Variants in SPPL2B observed in about 807,000 individuals in gnomAD.
SPPL2B encodes signal peptide peptidase-like 2B.
A neutral mutation model predicts 59.7 loss-of-function variants in SPPL2B; 39 were observed. The observed-to-expected ratio is 0.65, with a 90% CI of 0.51 to 0.85. The LOEUF is 0.85. SPPL2B is among the 40% of genes least tolerant of loss of function. The pLI, the probability that SPPL2B is intolerant of heterozygous loss-of-function variation, is 0.00. For synonymous variants in SPPL2B, 419 were observed against 370.8 expected (o/e 1.13, Z -1.49); for missense variants, 865 against 849.0 (o/e 1.02, Z -0.23).
intron 3 of SPPL2B, chr19:2,338,013 T>G: frequency 7.1e-6 from 1 of 140,474 alleles, no homozygotes; most frequent in East Asian, 2.0e-4. Flanking sequence ...CCTTGCCCTC[T>G]AGCCGGTGGG....
intron 13 of SPPL2B, among the ~76,000 whole-genome samples, chr19:2,348,120 T>C (rs1969580024): frequency 1.1e-5 from 1 of 91,096 alleles, no homozygotes; most frequent in Non-Finnish European, 2.1e-5. Flanking sequence ...CCGTTCTCTC[T>C]CCACACACAC....
chr19:2,340,046 GC>G (rs758707222), intron 6 of SPPL2B, 29 bp from the exon 7 acceptor site: 1 of 1,574,076 alleles, frequency 6.4e-7, no homozygotes, highest in South Asian at 1.2e-5. Context: ...TGCGGGCCTG[GC>G]CCCCGGCCTC....
chr19:2,352,872 G>C, intron 14 of SPPL2B, 74 bp from the exon 15 acceptor site: 1 of 1,541,298 alleles, frequency 6.5e-7, no homozygotes. Flanking sequence ...GCGGGTGCTG[G>C]GTGTCCTGGC....
intron 9 of SPPL2B, 149 bp from the exon 10 acceptor site, chr19:2,343,816 C>T (rs941089483): frequency 6.4e-6 from 4 of 627,600 alleles, no homozygotes; most frequent in African/African-American, 1.8e-5. Context: ...TCCAAAGCTC[C>T]TCCTGCGTGG....
Position 2,351,585 on chromosome 19 carries a change from C to A in SPPL2B, c.1506C>A (p.Ser502Arg), listed in dbSNP as rs559931720. The change falls in exon 14 of 15, where the codon AGC becomes AGA. Residue 502 changes from serine to arginine, a missense_variant. Physicochemically the swap from Ser to Arg is moderately radical, Grantham distance 110. Coordinates refer to ENST00000613503, the MANE Select transcript of SPPL2B (RefSeq NM_152988.3). ...RRELGVFWTG[S>R]GFAKVLPPSP... Reference sequence around the variant, plus strand: ...AGCTGGGCGTGTTCTGGACGGGCAGCGGCTTTGCGGTGAATACCAGTTTGC... The same window carrying A: ...AGCTGGGCGTGTTCTGGACGGGCAGAGGCTTTGCGGTGAATACCAGTTTGC... 1.4e-5 allele frequency: 23 copies of A among 1,608,928 alleles called. No homozygotes were observed. The highest frequency in any genetic ancestry group is 1.7e-5 in the Non-Finnish European group (20 of 1,177,662).
intron 14 of SPPL2B, 170 bp downstream of exon 14, chr19:2,351,764 C>T (rs1969937635): frequency 1.4e-5 from 9 of 665,790 alleles, no homozygotes; most frequent in East Asian, 1.3e-4. Context: ...GGTGGAAGGA[C>T]GTGCGTGCAG....
intron 6 of SPPL2B, 37 bp from the exon 7 acceptor site, chr19:2,340,038 CG>C (rs1968930264): frequency 6.4e-7 from 1 of 1,566,388 alleles, no homozygotes; most frequent in Admixed American, 1.9e-5. Context: ...GGGTGGCGTG[CG>C]GGCCTGGCCC....
rs868433818 is a variant in SPPL2B, at chr19:2,351,858, G to A, written c.1515+264G>A. ...CGCGGGGGTGCCGGGTGGGGCCCAGGGGTGCCGGGTGGGACGCGGGGGTGC... is the reference window on the plus strand; with the variant it reads ...CGCGGGGGTGCCGGGTGGGGCCCAGAGGTGCCGGGTGGGACGCGGGGGTGC... On this transcript the variant is annotated intron_variant, in intron 14 of 14. Transcript: ENST00000613503. Among the ~76,000 whole-genome samples, 13 of 151,674 alleles carry A rather than the reference G, an allele frequency of 8.6e-5. No individual in the cohort carries two copies. The South Asian group carries it at 2.7e-3, about 32-fold the overall frequency.
chr19:2,352,226 C>T (rs1218883355), intron 14 of SPPL2B, among the ~76,000 whole-genome samples: 1 of 152,158 alleles, frequency 6.6e-6, no homozygotes, highest in African/African-American at 2.4e-5. Flanking sequence ...TCCTGGGTTC[C>T]CGGGACTCAG....
chr19:2,338,631 C>T (rs915390425), intron 3 of SPPL2B, 121 bp from the exon 4 acceptor site: 2 of 614,184 alleles, frequency 3.3e-6, no homozygotes, highest in Non-Finnish European at 5.7e-6. Context: ...AGCCAGCAGG[C>T]GCCCCCAGCC....
chr19:2,344,569 A>G lies in SPPL2B; in HGVS notation c.1193A>G (p.Lys398Arg), dbSNP rs1413080801. The change falls in exon 12 of 15, where the codon AAG becomes AGG. Residue 398 changes from lysine (K) to arginine (R), a missense_variant. Lys to Arg is a conservative substitution (Grantham distance 26, BLOSUM62 2). Transcript: ENST00000613503. Reference protein sequence around the residue: ...ATREKLPMVLKVPRLNSSPLA... With the variant: ...ATREKLPMVLRVPRLNSSPLA... ...TCTTTGCAGCTGCCCATGGTCCTGA[A>G]GGTGCCCAGGCTGAACTCCTCACCT... 6.2e-7 allele frequency: 1 copy of G among 1,612,882 alleles called. No individual in the cohort carries two copies. Among genetic ancestry groups the G allele is most frequent in the East Asian group, 2.2e-5 (1 of 44,810 alleles).
rs887210712 is a variant in SPPL2B at position 2,353,716 on chromosome 19, C to T, written c.*507C>T. ...AGCCCCTGGGAGGTTTGGAAGCTGC[C>T]TCCAAGCCTAGGACACGGACCAGTG... On this transcript the variant is annotated 3_prime_UTR_variant, in exon 15 of 15. Transcript: ENST00000613503. 7 of 155,600 alleles carry T rather than the reference C, an allele frequency of 4.5e-5. No individual in the cohort carries two copies. In the South Asian group the frequency reaches 1.4e-3, roughly 31 times the overall value. 9.6% of individuals were successfully genotyped at this position (155,600 alleles called of 1,614,324 possible). A position where few individuals can be genotyped will look rare whatever the true frequency, so the allele number is the denominator to read the frequency against.
intron 2 of SPPL2B, among the ~76,000 whole-genome samples, chr19:2,335,683 A>C (rs1487131915): frequency 2.0e-4 from 25 of 126,766 alleles, no homozygotes; most frequent in African/African-American, 6.1e-4. Flanking sequence ...CTCCTTTCCC[A>C]CCGTATCCCT....
At chr19:2,336,508 G>T (rs1968622391) in intron 2 of SPPL2B, among the ~76,000 whole-genome samples, 1 of 151,968 alleles carries the variant, frequency 6.6e-6, no homozygotes, top group Non-Finnish European at 1.5e-5. Flanking sequence ...ATAGGTATGT[G>T]CGTGTGAGTG....
chr19:2,345,178 C>G (rs1969294572), intron 12 of SPPL2B, 75 bp from the exon 13 acceptor site: 1 of 1,322,516 alleles, frequency 7.6e-7, no homozygotes, highest in Non-Finnish European at 1.1e-6. Context: ...TGCTCAGGTG[C>G]CCGCCCGCTC....
At chr19:2,351,647 CTA>C in intron 14 of SPPL2B, 53 bp downstream of exon 14, 2 of 1,564,296 alleles carry the variant, frequency 1.3e-6, no homozygotes, top group South Asian at 1.2e-5. Flanking sequence ...TGAGCCCTAA[CTA>C]GAGTTAAAGT....
rs1968357743 is a variant in SPPL2B, at chr19:2,332,909, A to T, written c.67-1693A>T. Among the ~76,000 whole-genome samples, 1 of 148,262 alleles carries T rather than the reference A, an allele frequency of 6.7e-6. No individual in the cohort carries two copies. The highest frequency in any genetic ancestry group is 1.5e-5 in the Non-Finnish European group (1 of 67,316). On this transcript the variant is annotated intron_variant, in intron 1 of 14. Transcript: ENST00000613503. The surrounding 1 kb of genome is among the most constrained non-coding windows in gnomAD (Gnocchi z 4.6). ...GCTGGGTGGGGGCCCTGGGCAGGGG[A>T]GCAGAAGGAAGGTGGGGATGGCAGG...
chr19:2,344,789 G>C, intron 12 of SPPL2B, 137 bp downstream of exon 12: 1 of 670,186 alleles, frequency 1.5e-6, no homozygotes, highest in Non-Finnish European at 2.7e-6. Flanking sequence ...GGGCAGGTTG[G>C]GGCCGTTGAG....
At chr19:2,352,239 G>A (rs911131821) in intron 14 of SPPL2B, among the ~76,000 whole-genome samples, 1 of 152,124 alleles carries the variant, frequency 6.6e-6, no homozygotes, top group African/African-American at 2.4e-5. Context: ...GGACTCAGGC[G>A]CATTGCGCCC....
Sources: gnomAD v4.1 joint callset for allele counts (sites outside exome capture counted in the v4.1 genomes callset) on GRCh38, gnomAD v4.1.1 for gene constraint, Gnocchi (gnomAD v3.1) non-coding constraint, MANE v1.5 for transcripts, NCBI Gene and HGNC (gene_info 2026-07-23, HGNC 2026-07-21) for gene names.